Variants in LIMD2 observed in about 807,000 individuals in gnomAD.
LIMD2 encodes LIM domain containing 2, also known as LIM domain-containing protein 2.
LIMD2 carries 11 observed loss-of-function variants against 16.0 expected under a neutral mutation model. The observed-to-expected ratio is 0.69, with a 90% CI of 0.43 to 1.14. The LOEUF is 1.14. Among genes scored for constraint, LIMD2 ranks in the 50% most tolerant of loss-of-function variants. The pLI is 0.00. For missense variants in LIMD2, 168 were observed against 165.8 expected, an observed-to-expected ratio of 1.01 and a Z score of -0.07; for synonymous variants, 60 against 67.1, an observed-to-expected ratio of 0.89 and a Z score of 0.52.
At chr17:63,699,949 C>T (rs2035760489) in intron 1 of LIMD2, 83 bp downstream of exon 1, 1 of 983,728 alleles carries the variant, frequency 1.0e-6, no homozygotes, top group African/African-American at 1.8e-5. Flanking sequence ...CGCCGGGACC[C>T]CACGGGCGGC....
Position 63,698,498 on chromosome 17 carries a change from T to C in LIMD2, c.*54A>G. The C allele has an allele frequency of 1.9e-6, 3 of 1,587,242 alleles. No individual in the cohort carries two copies. Among genetic ancestry groups the C allele is most frequent in the South Asian group, 1.1e-5 (1 of 88,674 alleles). On this transcript the variant is annotated 3_prime_UTR_variant, in exon 5 of 5. Transcript: ENST00000259006. ...AGCCCAGCTCGACCTCCTTCCCACC[T>C]TCCCCCTGCCGGCTCCAGGCCTTCC...
chr17:63,698,376 C>T lies in LIMD2; in HGVS notation c.*176G>A, dbSNP rs368857345. ...CTGGTTTCCAAACCCTCACCGGCTG[C>T]GGGAGAAGGAAGAAGGAAGGAGTCC... On this transcript the variant is annotated 3_prime_UTR_variant, in exon 5 of 5. Transcript: ENST00000259006. 4.0e-6 allele frequency: 3 copies of T among 746,962 alleles called. No individual in the cohort carries two copies. The highest frequency in any genetic ancestry group is 1.8e-5 in the African/African-American group (1 of 56,446). The allele number at this position is 746,962 out of a possible 1,614,324, so 46.3% of individuals were successfully genotyped here.
At chr17:63,699,476 T>C in intron 1 of LIMD2, 128 bp from the exon 2 acceptor site, 1 of 882,846 alleles carries the variant, frequency 1.1e-6, no homozygotes, top group South Asian at 1.9e-5. Flanking sequence ...CTGTTGCTCT[T>C]GGTCTTGCCA....
Position 63,698,921 on chromosome 17 carries a change from G to A in LIMD2, c.102C>T (p.Ala34=), listed in dbSNP as rs1407241907. The A allele has an allele frequency of 6.2e-7, 1 of 1,612,666 alleles. No individual in the cohort carries two copies. ...VQRSKSFSLR[A]QVKETCAACQ... ...AGGCGGCGCAGGTCTCCTTCACCTG[G>A]GCCCGCAGGCTGAAGGACTGTGCGG... The change falls in exon 4 of 5, where the codon GCC becomes GCT. Residue 34 remains alanine, a synonymous_variant. Coordinates refer to ENST00000259006, the MANE Select transcript of LIMD2 (RefSeq NM_030576.4).
chr17:63,700,272 C>G, upstream of LIMD2: 1 of 534,508 alleles, frequency 1.9e-6, no homozygotes, highest in Non-Finnish European at 2.4e-6. This position sits in a 1 kb window ranked among gnomAD's most constrained non-coding sequence, Gnocchi z 7.1. Flanking sequence ...TTGTCTTCCC[C>G]TCGCCGCCGT....
At chr17:63,700,187 C>T (rs2035764901), upstream of LIMD2, 2 of 979,926 alleles carry the variant, frequency 2.0e-6, no homozygotes, top group Non-Finnish European at 2.4e-6. This position sits in a 1 kb window ranked among gnomAD's most constrained non-coding sequence, Gnocchi z 7.1. Context: ...CCCCGCCCCG[C>T]GCCCGCCCAT....
rs2035762948 is a variant in LIMD2 at position 63,700,091 on chromosome 17, G to T, written c.-110C>A. On this transcript the variant is annotated 5_prime_UTR_variant, in exon 1 of 5. Transcript: ENST00000259006. The surrounding 1 kb of genome is among the most constrained non-coding windows in gnomAD (Gnocchi z 7.1). ...TCCGGGGGCGCACGGGTACGAGGAG[G>T]GCGCGGGCGCGAGCTGCTGCCGCTA... 3 of 984,710 alleles carry T rather than the reference G, an allele frequency of 3.0e-6. No individual in the cohort carries two copies. In the South Asian group the frequency reaches 1.4e-4, roughly 45 times the overall value. 61.0% of individuals were successfully genotyped at this position (984,710 alleles called of 1,614,324 possible).
intron 3 of LIMD2, 37 bp downstream of exon 3, chr17:63,698,991 C>G (rs1459400377): frequency 4.3e-6 from 7 of 1,610,300 alleles, no homozygotes; most frequent in Non-Finnish European, 5.9e-6. Context: ...CGCTCCCTCA[C>G]ACCCCTCCTC....
chr17:63,699,366 T>C lies in LIMD2; in HGVS notation c.-50-18A>G, dbSNP rs1004582025. The C allele has an allele frequency of 3.3e-6, 5 of 1,531,882 alleles. No homozygotes were observed. In the Admixed American group the frequency reaches 6.2e-5, roughly 19 times the overall value. The allele number at this position is 1,531,882 out of a possible 1,614,324, so 94.9% of individuals were successfully genotyped here. ...GCTGGGTTCTGCAAGGGGAAGTCAG[T>C]CGGGAGGGCCCCGCCAGCCCGGCCC... On this transcript the variant is annotated intron_variant, in intron 1 of 4. Coordinates refer to ENST00000259006, the MANE Select transcript of LIMD2 (RefSeq NM_030576.4).
rs1329661502 is a variant in LIMD2 at position 63,698,459 on chromosome 17, C to T, written c.*93G>A. 7.7e-6 allele frequency: 11 copies of T among 1,435,460 alleles called. No homozygotes were observed. The Admixed American group carries it at 2.1e-4, about 27-fold the overall frequency. 88.9% of individuals were successfully genotyped at this position (1,435,460 alleles called of 1,614,324 possible). On this transcript the variant is annotated 3_prime_UTR_variant, in exon 5 of 5. Transcript: ENST00000259006. ...TGAGCAAGCCTCATCCCCTTCCCAC[C>T]TGGCCCCCACGCAAGCCCAGCTCGA...
chr17:63,700,234 G>C (rs1255024030), upstream of LIMD2: 49 of 861,622 alleles, frequency 5.7e-5, no homozygotes, highest in Non-Finnish European at 6.7e-5. The surrounding 1 kb of genome is among the most constrained non-coding windows in gnomAD (Gnocchi z 7.1). Flanking sequence ...TCGGGGCCCC[G>C]GCGCCGCCGC....
At position 63,698,524 on chromosome 17, in the gene LIMD2, G is replaced by A. The variant is rs1255760804; in HGVS notation, c.*28C>T. 1.2e-6 allele frequency: 2 copies of A among 1,608,884 alleles called. No individual in the cohort carries two copies. Among genetic ancestry groups the A allele is most frequent in the South Asian group, 1.1e-5 (1 of 90,660 alleles). ...TCCCCCTGCCGGCTCCAGGCCTTCC[G>A]CAGAGGGGGTGGAAGGTTACAGAGG... On this transcript the variant is annotated 3_prime_UTR_variant, in exon 5 of 5. Transcript: ENST00000259006.
intron 1 of LIMD2, 114 bp downstream of exon 1, chr17:63,699,918 G>C: frequency 1.0e-6 from 1 of 984,122 alleles, no homozygotes; most frequent in Non-Finnish European, 1.2e-6. Flanking sequence ...GTGCGCCCCG[G>C]GCGAGAGCGG....
In LIMD2 at chr17:63,697,844, G is replaced by A. The variant is rs975300209; in HGVS notation, c.*708C>T. On this transcript the variant is annotated 3_prime_UTR_variant, in exon 5 of 5. Coordinates refer to ENST00000259006, the MANE Select transcript of LIMD2 (RefSeq NM_030576.4). ...ATCTATTGAAACATGTTTAAAACGG[G>A]GTTGGTCACAACAGGATGGGCACAA... 6.6e-6 allele frequency: 1 copy of A among 152,554 alleles called. No homozygotes were observed. The highest frequency in any genetic ancestry group is 1.5e-5 in the Non-Finnish European group (1 of 68,334). The allele number at this position is 152,554 out of a possible 1,614,324, so 9.5% of individuals were successfully genotyped here.
At position 63,698,324 on chromosome 17, in the gene LIMD2, A is replaced by G; in HGVS notation, c.*228T>C. The G allele has an allele frequency of 1.7e-6, 1 of 597,208 alleles. No individual in the cohort carries two copies. The highest frequency in any genetic ancestry group is 2.9e-5 in the East Asian group (1 of 34,188). 37.0% of individuals were successfully genotyped at this position (597,208 alleles called of 1,614,324 possible). ...GGGGAGGGAGGCTGAACGAAGCAGG[A>G]AGCAGGGTGGTGGGCAGACCCCAAT... On this transcript the variant is annotated 3_prime_UTR_variant, in exon 5 of 5. Coordinates refer to ENST00000259006, the MANE Select transcript of LIMD2 (RefSeq NM_030576.4).
chr17:63,699,295 A>G lies in LIMD2; in HGVS notation c.4T>C (p.Phe2Leu). The change falls in exon 2 of 5, where the codon TTC (phenylalanine) becomes CTC (leucine). Residue 2 changes from phenylalanine (F) to leucine (L), a missense_variant. By Grantham distance (22) the Phe-to-Leu change is conservative. Transcript: ENST00000259006. The part of the protein sequence containing the change: M[F>L]QAAGAAQATP... ...GCCTGGGCGGCTCCTGCAGCCTGGAACATGGCTCGTTGGAGGTGGAAGCCT... is the reference window on the plus strand; with the variant it reads ...GCCTGGGCGGCTCCTGCAGCCTGGAGCATGGCTCGTTGGAGGTGGAAGCCT... The G allele has an allele frequency of 6.2e-7, 1 of 1,607,862 alleles. No homozygotes were observed. Among genetic ancestry groups the G allele is most frequent in the Non-Finnish European group, 8.5e-7 (1 of 1,177,414 alleles).
Position 63,698,779 on chromosome 17 carries a change from CGGGCA to C in LIMD2, c.224+15_224+19del. 1 of 926,526 alleles carries C rather than the reference CGGGCA, an allele frequency of 1.1e-6. No individual in the cohort carries two copies. The allele number at this position is 926,526 out of a possible 1,614,324, so 57.4% of individuals were successfully genotyped here. A position where few individuals can be genotyped will look rare whatever the true frequency, so the allele number is the denominator to read the frequency against. On this transcript the variant is annotated intron_variant, in intron 4 of 4. Coordinates refer to ENST00000259006, the MANE Select transcript of LIMD2 (RefSeq NM_030576.4). ...GCTGGGTTGGCAGGCGAGGCGGGGG[CGGGCA>C]GGGCAGGGGCGCACCTGAGCTTGGT...
intron 1 of LIMD2, 169 bp from the exon 2 acceptor site, chr17:63,699,517 TGCTCCCCAGGGGCCGGGGTCCCGAGTG>T: frequency 1.7e-6 from 1 of 589,274 alleles, no homozygotes; most frequent in Non-Finnish European, 2.8e-6. Flanking sequence ...CCCCCACCCC[TGCTCCCCAGGGGCCGGGGTCCCGAGTG>T]GCACCGTCCC....
chr17:63,698,267 TG>T lies in LIMD2; in HGVS notation c.*284del. ...GGCACCTAGATAGGGGAGCTGGGCT[TG>T]GGGGCCTCCCAGGGGGTCCTGGGGT... On this transcript the variant is annotated 3_prime_UTR_variant, in exon 5 of 5. Coordinates refer to ENST00000259006, the MANE Select transcript of LIMD2 (RefSeq NM_030576.4). 1 of 458,222 alleles carries T rather than the reference TG, an allele frequency of 2.2e-6. No homozygotes were observed. Among genetic ancestry groups the T allele is most frequent in the Non-Finnish European group, 4.0e-6 (1 of 252,232 alleles). The allele number at this position is 458,222 out of a possible 1,614,324, so 28.4% of individuals were successfully genotyped here.
Sources: gnomAD v4.1 joint callset for allele counts on GRCh38, gnomAD v4.1.1 for gene constraint, Gnocchi (gnomAD v3.1) non-coding constraint, MANE v1.5 for transcripts, NCBI Gene and HGNC (gene_info 2026-07-23, HGNC 2026-07-21) for gene names.